Variants in NEDD4L observed in about 807,000 individuals in gnomAD.
The protein encoded by NEDD4L is E3 ubiquitin-protein ligase NEDD4-like.
NEDD4L carries 54 observed loss-of-function variants against 148.9 expected under a neutral mutation model. That is an observed-to-expected ratio of 0.36 (90% CI 0.29 to 0.45). NEDD4L has a LOEUF of 0.45. NEDD4L is among the 20% of genes least tolerant of loss of function. NEDD4L has a pLI of 1.00. For missense variants in NEDD4L, 856 were observed against 1,233.8 expected, an observed-to-expected ratio of 0.69 and a Z score of 4.59; for synonymous variants, 433 against 440.7, an observed-to-expected ratio of 0.98 and a Z score of 0.22.
intron 1 of NEDD4L, among the ~76,000 whole-genome samples, chr18:58,126,534 C>A (rs2031132326): frequency 6.6e-6 from 1 of 152,106 alleles, no homozygotes; most frequent in South Asian, 2.1e-4. Context: ...AAAGTCCATT[C>A]ATCAATTCAT....
At chr18:58,349,492 G>A in intron 16 of NEDD4L, 45 bp from the exon 17 acceptor site, 1 of 1,524,424 alleles carries the variant, frequency 6.6e-7, no homozygotes, top group South Asian at 1.1e-5. Context: ...ACTGCACACA[G>A]ATACTTCCAC....
chr18:58,071,570 A>G (rs1449891319), intron 1 of NEDD4L, among the ~76,000 whole-genome samples: 1 of 152,202 alleles, frequency 6.6e-6, no homozygotes, highest in African/African-American at 2.4e-5. Flanking sequence ...GTGTAACATC[A>G]TCAACCATAC....
chr18:58,252,138 A>G (rs2048012540), intron 5 of NEDD4L, 84 bp downstream of exon 5: 4 of 894,018 alleles, frequency 4.5e-6, no homozygotes, highest in South Asian at 1.3e-5. Flanking sequence ...CTCTGTGTTT[A>G]TGTTGTACTT....
intron 1 of NEDD4L, among the ~76,000 whole-genome samples, chr18:58,118,259 T>C (rs56039533): frequency 0.016 from 2,454 of 152,366 alleles, 52 homozygotes; most frequent in African/African-American, 0.052. Flanking sequence ...TGCCGGATTC[T>C]GGTAAGGCGC....
intron 24 of NEDD4L, among the ~76,000 whole-genome samples, chr18:58,380,290 T>C (rs905613970): frequency 6.1e-5 from 9 of 146,970 alleles, no homozygotes; most frequent in Admixed American, 3.4e-4. Flanking sequence ...ACTGTTTTCT[T>C]TTTTATTTTA....
chr18:58,093,386 C>G (rs1357385244), intron 1 of NEDD4L, among the ~76,000 whole-genome samples: 3 of 152,194 alleles, frequency 2.0e-5, no homozygotes, highest in African/African-American at 7.2e-5. Context: ...CATTCAGCCT[C>G]TCAAGCTATC....
chr18:58,224,768 G>A (rs2044167410), intron 2 of NEDD4L, among the ~76,000 whole-genome samples: 1 of 152,132 alleles, frequency 6.6e-6, no homozygotes, highest in Admixed American at 6.5e-5. Flanking sequence ...TAGACATTGA[G>A]GGGCACTCCT....
At chr18:58,136,516 A>T (rs2032869160) in intron 1 of NEDD4L, among the ~76,000 whole-genome samples, 3 of 152,218 alleles carry the variant, frequency 2.0e-5, no homozygotes, top group African/African-American at 7.2e-5. Context: ...CCTGATGCTG[A>T]TGAAAGGGAG....
In NEDD4L at chr18:58,317,694, C is replaced by G. The variant is rs1474303196; in HGVS notation, c.348+1662C>G. Among the ~76,000 whole-genome samples, 4 of 152,162 alleles carry G rather than the reference C, an allele frequency of 2.6e-5. No individual in the cohort carries two copies. The East Asian group carries it at 7.7e-4, about 29-fold the overall frequency. ...ATAAAGAATAGTTTAGCTTTGGATT[C>G]TGAGTGGAGGCAGGGTCAGTGAGCC... is the stretch of plus-strand genomic sequence containing the variant. On this transcript the variant is annotated intron_variant, in intron 6 of 30. Coordinates refer to ENST00000400345, the MANE Select transcript of NEDD4L (RefSeq NM_001144967.3).
chr18:58,057,916 T>A (rs1285439440), intron 1 of NEDD4L, among the ~76,000 whole-genome samples: 3 of 152,232 alleles, frequency 2.0e-5, no homozygotes, highest in Non-Finnish European at 4.4e-5. Context: ...CTCTCTGGTG[T>A]ATCAAGAATG....
Position 58,352,372 on chromosome 18 carries a change from C to T in NEDD4L, c.1708+1327C>T, listed in dbSNP as rs147804940. Among the ~76,000 whole-genome samples the T allele has an allele frequency of 1.8e-4, 28 of 152,170 alleles. 1 individual carries two copies. In the East Asian group the frequency reaches 2.5e-3, roughly 14 times the overall value. On this transcript the variant is annotated intron_variant, in intron 18 of 30. Coordinates refer to ENST00000400345, the MANE Select transcript of NEDD4L (RefSeq NM_001144967.3). ...CCATGAAAAACAAAATAATAGTTTC[C>T]GGCTTGGTGCAGTGGCTCACACCTG...
At position 58,368,967 on chromosome 18, in the gene NEDD4L, T is replaced by C. The variant is rs553818930; in HGVS notation, c.2185+1100T>C. Among the ~76,000 whole-genome samples, 53 of 152,342 alleles carry C rather than the reference T, an allele frequency of 3.5e-4. 1 individual carries two copies. The South Asian group carries it at 0.011, about 30-fold the overall frequency. ...CAAGTGAGAAGATGCTGTTAGTTGC[T>C]ACAGTGTCTTTAATACCCTCTCTAA... On this transcript the variant is annotated intron_variant, in intron 22 of 30. Transcript: ENST00000400345.
At chr18:58,374,337 C>T (rs1390238880) in intron 24 of NEDD4L, among the ~76,000 whole-genome samples, 1 of 151,986 alleles carries the variant, frequency 6.6e-6, no homozygotes, top group African/African-American at 2.4e-5. Context: ...GTCCATAGGG[C>T]CCTTCAGTGG....
chr18:58,252,797 C>T (rs2048089221), intron 5 of NEDD4L, among the ~76,000 whole-genome samples: 1 of 152,280 alleles, frequency 6.6e-6, no homozygotes, highest in Admixed American at 6.5e-5. Context: ...TCGTAGCTCA[C>T]TGTAACCTCA....
rs2059187664 is a variant in NEDD4L, at chr18:58,325,001, A to T, written c.519A>T (p.Gly173=). The change falls in exon 9 of 31, where the codon GGA becomes GGT. Residue 173 remains glycine (G), a synonymous_variant. Coordinates refer to ENST00000400345, the MANE Select transcript of NEDD4L (RefSeq NM_001144967.3). ...NSDQRDDMEH[G]WEVVDSNDSA... The stretch of plus-strand genomic sequence containing the variant: ...CCTTTAACTTTATTCCGCAGCATGG[A>T]TGGGAAGTTGTTGACTCAAATGACT... The T allele has an allele frequency of 6.2e-7, 1 of 1,613,476 alleles. No individual in the cohort carries two copies. Among genetic ancestry groups the T allele is most frequent in the Non-Finnish European group, 8.5e-7 (1 of 1,179,552 alleles).
chr18:58,281,122 C>T (rs1000135497), intron 5 of NEDD4L, among the ~76,000 whole-genome samples: 8 of 152,036 alleles, frequency 5.3e-5, no homozygotes, highest in Non-Finnish European at 1.0e-4. Context: ...GGACTACAGG[C>T]ATGCACCACC....
At chr18:58,357,455 A>G (rs764561232) in intron 19 of NEDD4L, 1 of 699,816 alleles carries the variant, frequency 1.4e-6, no homozygotes, top group Non-Finnish European at 2.6e-6. Flanking sequence ...GGATTTCATT[A>G]TAAAGGAAAA....
intron 5 of NEDD4L, chr18:58,255,404 G>T: frequency 2.4e-6 from 2 of 843,454 alleles, no homozygotes; most frequent in Non-Finnish European, 3.1e-6. Flanking sequence ...TGTGGTTCTG[G>T]CCACCCTACC....
intron 1 of NEDD4L, among the ~76,000 whole-genome samples, chr18:58,073,645 A>G (rs1023822124): frequency 6.6e-6 from 1 of 152,236 alleles, no homozygotes; most frequent in Admixed American, 6.5e-5. Flanking sequence ...ATTCTGGAAT[A>G]AGCAAATTCA....
Sources: allele counts gnomAD v4.1 joint callset (sites outside exome capture counted in the v4.1 genomes callset), GRCh38; gene constraint gnomAD v4.1.1; transcripts MANE v1.5; gene names NCBI Gene and HGNC (gene_info 2026-07-23, HGNC 2026-07-21).